Variants in PCDHGA6 observed in about 807,000 individuals in gnomAD.
The protein encoded by PCDHGA6 is protocadherin gamma-A6.
In PCDHGA6, 41 loss-of-function variants were observed where a neutral mutation model predicts 60.6. The ratio of observed to expected loss-of-function variants is 0.68; its 90% CI spans 0.53 to 0.88. The LOEUF (loss-of-function observed/expected upper bound fraction) is 0.88. PCDHGA6 is among the 40% of genes least tolerant of loss of function. The pLI, the probability that PCDHGA6 is intolerant of heterozygous loss-of-function variation, is 0.00. For synonymous variants in PCDHGA6, 594 were observed against 524.4 expected (o/e 1.13, Z -1.81); for missense variants, 1,312 against 1,203.0 (o/e 1.09, Z -1.34).
chr5:141,400,593 T>C (rs768255831), intron 1 of PCDHGA6: 1 of 1,602,992 alleles, frequency 6.2e-7, no homozygotes, highest in Admixed American at 1.7e-5. Flanking sequence ...GAAACTATCG[T>C]ACATTTTCAA....
At chr5:141,494,776 C>T in intron 1 of PCDHGA6, 31 bp from the exon 2 acceptor site, 1 of 1,614,100 alleles carries the variant, frequency 6.2e-7, no homozygotes, top group East Asian at 2.2e-5. Context: ...CTCACGGGTA[C>T]TCAGCCCCTT....
In PCDHGA6 at chr5:141,423,512, C is replaced by T. The variant is rs765694240; in HGVS notation, c.2424+47005C>T. 55 of 1,613,552 alleles carry T rather than the reference C, an allele frequency of 3.4e-5. No individual in the cohort carries two copies. The highest frequency in any genetic ancestry group is 2.8e-4 in the African/African-American group (21 of 74,924). On this transcript the variant is annotated intron_variant, in intron 1 of 3. Coordinates refer to ENST00000517434, the MANE Select transcript of PCDHGA6 (RefSeq NM_018919.3). ...TATTCCCACGAGGTCTCTCTCATTGCGGACTCGCAGAAGAGTCACCTGATT... is the reference window on the plus strand; with the variant it reads ...TATTCCCACGAGGTCTCTCTCATTGTGGACTCGCAGAAGAGTCACCTGATT...
intron 1 of PCDHGA6, chr5:141,421,906 G>C: frequency 6.2e-7 from 1 of 1,613,770 alleles, no homozygotes; most frequent in Non-Finnish European, 8.5e-7. Context: ...AAAGGGCGCA[G>C]TTCCCATTCG....
chr5:141,403,855 A>G (rs750458276), intron 1 of PCDHGA6: 12 of 1,613,676 alleles, frequency 7.4e-6, no homozygotes, highest in Non-Finnish European at 1.0e-5. Flanking sequence ...CTGGGGAAAT[A>G]TCAACAGCAA....
chr5:141,482,103 A>C (rs34394498), intron 1 of PCDHGA6, among the ~76,000 whole-genome samples: 2 of 142,250 alleles, frequency 1.4e-5, no homozygotes, highest in Non-Finnish European at 3.0e-5. Flanking sequence ...AAAAAAAAAA[A>C]AATATCTAGA....
intron 1 of PCDHGA6, chr5:141,383,459 A>G: frequency 6.2e-7 from 1 of 1,613,900 alleles, no homozygotes; most frequent in Non-Finnish European, 8.5e-7. Context: ...AGTGGAGACG[A>G]TGAAACTAAG....
intron 1 of PCDHGA6, chr5:141,478,233 T>G: frequency 6.2e-7 from 1 of 1,614,126 alleles, no homozygotes. Context: ...GTGGGGTTTG[T>G]GGTCACAGTG....
At chr5:141,423,577 G>T (rs1348410879) in intron 1 of PCDHGA6, 1 of 1,613,478 alleles carries the variant, frequency 6.2e-7, no homozygotes, top group Admixed American at 1.7e-5. Flanking sequence ...CATCAGCCAG[G>T]AGAGCTGTGA....
At chr5:141,474,159 G>A (rs2154571930) in intron 1 of PCDHGA6, among the ~76,000 whole-genome samples, 1 of 152,226 alleles carries the variant, frequency 6.6e-6, no homozygotes, top group South Asian at 2.1e-4. Context: ...GAAAATGACA[G>A]GCCTTATTAT....
At chr5:141,445,188 GTATTCTA>G (rs1223900471) in intron 1 of PCDHGA6, among the ~76,000 whole-genome samples, 1 of 152,080 alleles carries the variant, frequency 6.6e-6, no homozygotes, top group Non-Finnish European at 1.5e-5. Context: ...ATGTTTTTAT[GTATTCTA>G]TATGCTTTTG....
Position 141,476,441 on chromosome 5 carries a change from GAGTTGGT to G in PCDHGA6, c.2425-18362_2425-18356del. 3 of 1,614,160 alleles carry G rather than the reference GAGTTGGT, an allele frequency of 1.9e-6. No homozygotes were observed. The South Asian group carries it at 3.3e-5, about 18-fold the overall frequency. ...ACTGCCCTCTTGCACTGTAACTCTG[GAGTTGGT>G]AGTGGAGAACCCGCTGGAGCTGTTC... On this transcript the variant is annotated intron_variant, in intron 1 of 3. Transcript: ENST00000517434. The surrounding 1 kb of genome is among the most constrained non-coding windows in gnomAD (Gnocchi z 7.6).
At position 141,450,051 on chromosome 5, in the gene PCDHGA6, G is replaced by C. The variant is rs576363410; in HGVS notation, c.2425-44756G>C. ...AGACAGGGTCTCACTCTTTCGCCCA[G>C]GCTGGAATGCAGTGGTATGATCTTG... On this transcript the variant is annotated intron_variant, in intron 1 of 3. Coordinates refer to ENST00000517434, the MANE Select transcript of PCDHGA6 (RefSeq NM_018919.3). Among the ~76,000 whole-genome samples, 362 of 139,654 alleles carry C rather than the reference G, an allele frequency of 2.6e-3. 1 individual carries two copies. Among genetic ancestry groups the C allele is most frequent in the South Asian group, 5.5e-3 (25 of 4,506 alleles). 91.6% of individuals were successfully genotyped at this position (139,654 alleles called of 152,430 possible). A position where few individuals can be genotyped will look rare whatever the true frequency, so the allele number is the denominator to read the frequency against.
intron 1 of PCDHGA6, chr5:141,441,943 C>CT: frequency 1.2e-5 from 4 of 336,004 alleles, no homozygotes; most frequent in South Asian, 1.1e-4. Flanking sequence ...CTACCACGTG[C>CT]TGCAGGCCAG....
Position 141,489,138 on chromosome 5 carries a change from T to C in PCDHGA6, c.2425-5669T>C. 1.4e-6 allele frequency: 1 copy of C among 738,808 alleles called. No homozygotes were observed. The highest frequency in any genetic ancestry group is 3.0e-5 in the Admixed American group (1 of 33,014). The allele number at this position is 738,808 out of a possible 1,614,324, so 45.8% of individuals were successfully genotyped here. On this transcript the variant is annotated intron_variant, in intron 1 of 3. Transcript: ENST00000517434. This position sits in a 1 kb window ranked among gnomAD's most constrained non-coding sequence, Gnocchi z 4.5. ...AACCTCCGAGCAGTTTTTAAGAGGC[T>C]GGAAGGAGACATAAGAGACTTCAGC...
chr5:141,501,290 T>TACACATACACAC (rs1224133816), intron 2 of PCDHGA6, among the ~76,000 whole-genome samples: 9 of 136,158 alleles, frequency 6.6e-5, no homozygotes, highest in Admixed American at 1.6e-4. Context: ...TATTCCCTTA[T>TACACATACACAC]ACACACACAC....
chr5:141,404,945 G>A (rs753544983), intron 1 of PCDHGA6: 6 of 1,613,952 alleles, frequency 3.7e-6, no homozygotes, highest in Non-Finnish European at 5.1e-6. Flanking sequence ...AGTAGCCATA[G>A]CTGACAGCAT....
chr5:141,484,709 C>G (rs1223957454), intron 1 of PCDHGA6, among the ~76,000 whole-genome samples: 1 of 151,072 alleles, frequency 6.6e-6, no homozygotes, highest in Non-Finnish European at 1.5e-5. Context: ...TTTTCCCCGC[C>G]GAAAAGGGGC....
chr5:141,485,995 T>G lies in PCDHGA6; in HGVS notation c.2425-8812T>G. 1 of 1,614,176 alleles carries G rather than the reference T, an allele frequency of 6.2e-7. No individual in the cohort carries two copies. On this transcript the variant is annotated intron_variant, in intron 1 of 3. Transcript: ENST00000517434. The surrounding 1 kb of genome is among the most constrained non-coding windows in gnomAD (Gnocchi z 5.7). ...CCTCAGACCCGGACCTGGGTCCCAG[T>G]GGTAACGTCACCTTTTATTTCAGTG...
At chr5:141,423,313 G>A (rs1407028245) in intron 1 of PCDHGA6, 3 of 1,614,184 alleles carry the variant, frequency 1.9e-6, no homozygotes, top group Non-Finnish European at 1.7e-6. Context: ...GTACTTGGTG[G>A]TGGCGGTGGC....
Sources: gnomAD v4.1 joint callset for allele counts (sites outside exome capture counted in the v4.1 genomes callset) on GRCh38, gnomAD v4.1.1 for gene constraint, Gnocchi (gnomAD v3.1) non-coding constraint, MANE v1.5 for transcripts, NCBI Gene and HGNC (gene_info 2026-07-23, HGNC 2026-07-21) for gene names.